METTL24: variants seen among roughly 807,000 people sequenced by gnomAD.
METTL24 encodes the protein methyltransferase like 24, also known as probable methyltransferase-like protein 24.
METTL24 carries 29 observed loss-of-function variants against 32.7 expected under a neutral mutation model. The ratio of observed to expected loss-of-function variants is 0.89; its 90% confidence interval spans 0.66 to 1.21. The LOEUF (loss-of-function observed/expected upper bound fraction) is 1.21. METTL24 is among the 50% of genes most tolerant of loss of function. The pLI is 0.00. For synonymous variants in METTL24, 163 were observed against 179.5 expected (o/e 0.91, Z 0.73); for missense variants, 439 against 468.1 (o/e 0.94, Z 0.57).
At chr6:110,290,770 T>C in intron 4 of METTL24, among the ~76,000 whole-genome samples, 1 of 152,186 alleles carries the variant, frequency 6.6e-6, no homozygotes, top group East Asian at 1.9e-4. Context: ...GGTAAATATA[T>C]GTTTAACTTA....
intron 1 of METTL24, chr6:110,332,476 G>T (rs1489164027): frequency 2.0e-6 from 2 of 981,068 alleles, no homozygotes; most frequent in Non-Finnish European, 2.4e-6. Flanking sequence ...ATTTTCACTT[G>T]TTTTCATGAG....
At position 110,278,120 on chromosome 6, in the gene METTL24, C is replaced by T. The variant is rs564713207; in HGVS notation, c.786+20802G>A. ...CAACACTATTGACCAAATTCCTATC[C>T]TTCCTATGCTCTGTAATTCTTTCAG... On this transcript the variant is annotated intron_variant, in intron 4 of 4. Transcript: ENST00000338882. Among the ~76,000 whole-genome samples, 19 of 152,276 alleles carry T rather than the reference C, an allele frequency of 1.2e-4. No homozygotes were observed. In the East Asian group the frequency reaches 3.3e-3, roughly 26 times the overall value.
intron 4 of METTL24, chr6:110,254,033 T>G (rs1778334811): frequency 8.6e-7 from 1 of 1,165,256 alleles, no homozygotes; most frequent in Non-Finnish European, 1.1e-6. Flanking sequence ...CTCACAAATT[T>G]GCATTTGGGA....
At chr6:110,292,625 T>A (rs1771339057) in intron 4 of METTL24, among the ~76,000 whole-genome samples, 1 of 152,078 alleles carries the variant, frequency 6.6e-6, no homozygotes, top group Non-Finnish European at 1.5e-5. Context: ...GTCTTTTAAT[T>A]TTGTTTTTGG....
chr6:110,342,660 C>T (rs1772382344), intron 1 of METTL24, among the ~76,000 whole-genome samples: 2 of 152,130 alleles, frequency 1.3e-5, no homozygotes, highest in Non-Finnish European at 2.9e-5. Flanking sequence ...TTCCAGAATA[C>T]TTTCATCACC....
At chr6:110,346,638 G>T (rs1214932156) in intron 1 of METTL24, among the ~76,000 whole-genome samples, 3 of 151,926 alleles carry the variant, frequency 2.0e-5, no homozygotes, top group Non-Finnish European at 4.4e-5. Context: ...CCAAGTAGCT[G>T]GGATTACAGG....
intron 4 of METTL24, among the ~76,000 whole-genome samples, chr6:110,247,951 G>GC (rs1778199553): frequency 6.6e-6 from 1 of 152,146 alleles, no homozygotes; most frequent in Non-Finnish European, 1.5e-5. Flanking sequence ...GGTGAGAGGT[G>GC]TTTGGGTCAT....
Position 110,302,594 on chromosome 6 carries a change from C to T in METTL24, c.558-3444G>A, listed in dbSNP as rs1211880006. The stretch of plus-strand genomic sequence containing the variant: ...ATACACACACATATGTGTATATATA[C>T]ACATATACACACACATATGTGTATA... On this transcript the variant is annotated intron_variant, in intron 3 of 4. Transcript: ENST00000338882. Among the ~76,000 whole-genome samples the T allele has an allele frequency of 2.6e-5, 3 of 116,912 alleles. 1 individual carries two copies. The highest frequency in any genetic ancestry group is 1.4e-4 in the African/African-American group (3 of 21,924). The allele number at this position is 116,912 out of a possible 152,430, so 76.7% of individuals were successfully genotyped here.
intron 4 of METTL24, among the ~76,000 whole-genome samples, chr6:110,246,963 A>G (rs1778178134): frequency 6.6e-6 from 1 of 151,524 alleles, no homozygotes. Context: ...AAAAAAAAAA[A>G]GCAGTAACAC....
In METTL24 at chr6:110,272,976, C is replaced by T. The variant is rs190846559; in HGVS notation, c.786+25946G>A. 9.0e-4 allele frequency among the ~76,000 whole-genome samples: 136 copies of T among 151,952 alleles called. 1 individual carries two copies. Among genetic ancestry groups the T allele is most frequent in the South Asian group, 4.6e-3 (22 of 4,804 alleles). On this transcript the variant is annotated intron_variant, in intron 4 of 4. Coordinates refer to ENST00000338882, the MANE Select transcript of METTL24 (RefSeq NM_001123364.3). ...AGAAGGGTTTTAGTTTAATTAGGTC[C>T]CAATTATTTATTTTTGTTTCTGTTG...
At chr6:110,339,563 G>GAA (rs1163262786) in intron 1 of METTL24, among the ~76,000 whole-genome samples, 4 of 152,184 alleles carry the variant, frequency 2.6e-5, no homozygotes, top group Non-Finnish European at 4.4e-5. Context: ...CCACTTTAAA[G>GAA]AAACCAAAAC....
intron 3 of METTL24, among the ~76,000 whole-genome samples, chr6:110,305,285 A>G (rs1771607125): frequency 6.6e-6 from 1 of 152,184 alleles, no homozygotes; most frequent in African/African-American, 2.4e-5. Flanking sequence ...TTCATGACTA[A>G]AACACCAAAA....
chr6:110,333,514 C>T (rs1772148883), intron 1 of METTL24, among the ~76,000 whole-genome samples: 1 of 152,114 alleles, frequency 6.6e-6, no homozygotes, highest in African/African-American at 2.4e-5. Context: ...AGTGCAGTGA[C>T]ATGATCTCGG....
chr6:110,257,456 T>C lies in METTL24; in HGVS notation c.787-11196A>G, dbSNP rs187501520. ...TCTCTGCCACATTTCAAGTGCTCAA[T>C]AGCCATATATGGCTAGTGGCTACCA... On this transcript the variant is annotated intron_variant, in intron 4 of 4. Transcript: ENST00000338882. Among the ~76,000 whole-genome samples, 4 of 152,346 alleles carry C rather than the reference T, an allele frequency of 2.6e-5. No individual in the cohort carries two copies. In the East Asian group the frequency reaches 7.7e-4, roughly 29 times the overall value.
At chr6:110,355,277 G>T (rs768110450) in intron 1 of METTL24, among the ~76,000 whole-genome samples, 3 of 152,124 alleles carry the variant, frequency 2.0e-5, no homozygotes, top group Non-Finnish European at 4.4e-5. Flanking sequence ...GGGTGAAAAG[G>T]GCAGGAGTCA....
At chr6:110,356,701 A>G (rs1166814532) in intron 1 of METTL24, among the ~76,000 whole-genome samples, 1 of 152,210 alleles carries the variant, frequency 6.6e-6, no homozygotes, top group African/African-American at 2.4e-5. Context: ...AATGTTTAAC[A>G]TGGTATCACG....
chr6:110,298,340 C>T (rs1335276331), intron 4 of METTL24, among the ~76,000 whole-genome samples: 2 of 152,122 alleles, frequency 1.3e-5, no homozygotes, highest in Admixed American at 1.3e-4. Flanking sequence ...TTTTTGCTGT[C>T]CATTCATAAT....
At chr6:110,352,050 C>G (rs1434826383) in intron 1 of METTL24, among the ~76,000 whole-genome samples, 1 of 152,080 alleles carries the variant, frequency 6.6e-6, no homozygotes, top group Admixed American at 6.5e-5. Flanking sequence ...GAGCCCAGTT[C>G]CTGTTCATAA....
chr6:110,246,964 G>A (rs73765686), intron 4 of METTL24, among the ~76,000 whole-genome samples: 10,824 of 144,844 alleles, frequency 0.075, 574 homozygotes, highest in African/African-American at 0.17. Context: ...AAAAAAAAAA[G>A]CAGTAACACC....
Sources: gnomAD v4.1 joint callset for allele counts (sites outside exome capture counted in the v4.1 genomes callset) on GRCh38, gnomAD v4.1.1 for gene constraint, MANE v1.5 for transcripts, NCBI Gene and HGNC (gene_info 2026-07-23, HGNC 2026-07-21) for gene names.